Variants in ACBD6 observed in about 807,000 individuals in gnomAD.
ACBD6 encodes acyl-CoA binding domain containing 6.
A neutral mutation model predicts 37.2 loss-of-function variants in ACBD6; 28 were observed. The observed-to-expected ratio is 0.75, with a 90% CI of 0.56 to 1.03. The LOEUF is 1.03. ACBD6 is among the 50% of genes least tolerant of loss of function. The pLI is 0.00. For synonymous variants in ACBD6, 113 were observed against 126.8 expected (o/e 0.89, Z 0.73); for missense variants, 340 against 337.4 (o/e 1.01, Z -0.06).
At chr1:180,366,563 C>T (rs1472159083) in intron 6 of ACBD6, among the ~76,000 whole-genome samples, 1 of 152,136 alleles carries the variant, frequency 6.6e-6, no homozygotes, top group Admixed American at 6.5e-5. Context: ...TAAGATGACA[C>T]TGGGTGTTCT....
At chr1:180,405,366 G>C (rs1348719219) in intron 5 of ACBD6, among the ~76,000 whole-genome samples, 1 of 152,130 alleles carries the variant, frequency 6.6e-6, no homozygotes, top group African/African-American at 2.4e-5. Flanking sequence ...GTATCTGAAA[G>C]AATCAATAGA....
At chr1:180,321,505 C>A (rs1651067449) in intron 6 of ACBD6, among the ~76,000 whole-genome samples, 1 of 152,052 alleles carries the variant, frequency 6.6e-6, no homozygotes, top group African/African-American at 2.4e-5. Context: ...AGATCTTTCA[C>A]TTCTTTGGTT....
At chr1:180,327,073 C>T (rs538345022) in intron 6 of ACBD6, among the ~76,000 whole-genome samples, 129 of 152,256 alleles carry the variant, frequency 8.5e-4, no homozygotes, top group African/African-American at 2.8e-3. Flanking sequence ...CTAAGCCCAC[C>T]GCAGCACTAG....
downstream of ACBD6, chr1:180,287,022 T>C (rs1267036104): frequency 2.0e-5 from 3 of 152,216 alleles, no homozygotes; most frequent in South Asian, 6.2e-4. Context: ...ATGTCAACTA[T>C]CTACTTTCCT....
chr1:180,350,277 T>C (rs1052086757), intron 6 of ACBD6, among the ~76,000 whole-genome samples: 21 of 152,142 alleles, frequency 1.4e-4, no homozygotes, highest in African/African-American at 4.3e-4. Flanking sequence ...CAAGCGATTC[T>C]TCCACCTTGG....
chr1:180,394,635 C>G (rs1425395156), intron 6 of ACBD6, among the ~76,000 whole-genome samples: 1 of 152,074 alleles, frequency 6.6e-6, no homozygotes, highest in African/African-American at 2.4e-5. Flanking sequence ...AATGGAAGAA[C>G]AAGCCCCCAA....
chr1:180,280,098 T>C (rs1649261324), intron 9 of ACBD6, among the ~76,000 whole-genome samples: 1 of 152,234 alleles, frequency 6.6e-6, no homozygotes, highest in African/African-American at 2.4e-5. Flanking sequence ...CAGTGGCTAC[T>C]GTATTTGGAC....
chr1:180,290,006 G>A (rs1649638159), intron 7 of ACBD6, among the ~76,000 whole-genome samples: 1 of 152,116 alleles, frequency 6.6e-6, no homozygotes, highest in Admixed American at 6.5e-5. Context: ...TGCACAGGAG[G>A]TTCAAAGATA....
chr1:180,282,365 T>C (rs1649338739), intron 8 of ACBD6, among the ~76,000 whole-genome samples: 1 of 152,136 alleles, frequency 6.6e-6, no homozygotes, highest in Non-Finnish European at 1.5e-5. Flanking sequence ...AAAAGTGGTC[T>C]TGGCACACAT....
At chr1:180,451,754 G>A (rs1649715601) in intron 3 of ACBD6, among the ~76,000 whole-genome samples, 1 of 152,168 alleles carries the variant, frequency 6.6e-6, no homozygotes, top group Non-Finnish European at 1.5e-5. Context: ...AGGGTATGGA[G>A]TTTCTTTTTG....
intron 3 of ACBD6, among the ~76,000 whole-genome samples, chr1:180,470,977 T>C (rs570695791): frequency 8.5e-5 from 13 of 152,372 alleles, no homozygotes; most frequent in African/African-American, 2.9e-4. Context: ...TTCTGTTTTC[T>C]AAAGTTTCAG....
chr1:180,273,699 G>A (rs1384028615), intron 11 of ACBD6: 1 of 165,386 alleles, frequency 6.0e-6, no homozygotes, highest in African/African-American at 2.4e-5. Flanking sequence ...TAGACCAGAA[G>A]GATTTTGTAC....
intron 3 of ACBD6, among the ~76,000 whole-genome samples, chr1:180,482,497 G>A (rs1447933691): frequency 6.7e-6 from 1 of 149,264 alleles, no homozygotes; most frequent in Admixed American, 6.8e-5. Context: ...AAGTTTTAAA[G>A]ATCTAAGAAG....
rs116215140 is a variant in ACBD6, at chr1:180,469,946, A to G, written c.384+22323T>C. Among the ~76,000 whole-genome samples, 569 of 152,284 alleles carry G rather than the reference A, an allele frequency of 3.7e-3. 3 individuals are homozygous for G. Among genetic ancestry groups the G allele is most frequent in the African/African-American group, 0.013 (545 of 41,554 alleles). On this transcript the variant is annotated intron_variant, in intron 3 of 7. Coordinates refer to ENST00000367595, the MANE Select transcript of ACBD6 (RefSeq NM_032360.4). ...CAATGAATTACAATCTTCCTTCACA[A>G]CTTTAAAGCATAATACACTACTAAT...
chr1:180,348,369 C>CA (rs754260442), intron 6 of ACBD6, among the ~76,000 whole-genome samples: 44 of 152,028 alleles, frequency 2.9e-4, no homozygotes, highest in Admixed American at 5.2e-4. Context: ...ACTTTTGGTC[C>CA]AAAAAATGAA....
At chr1:180,381,731 G>A (rs1342979659) in intron 6 of ACBD6, among the ~76,000 whole-genome samples, 1 of 152,092 alleles carries the variant, frequency 6.6e-6, no homozygotes, top group Non-Finnish European at 1.5e-5. Flanking sequence ...TGTTAAGAAG[G>A]AAGTTTATAG....
intron 1 of ACBD6, among the ~76,000 whole-genome samples, chr1:180,501,146 C>T (rs982684533): frequency 1.3e-5 from 2 of 152,108 alleles, no homozygotes; most frequent in Admixed American, 6.6e-5. Context: ...AGGAAAGGTG[C>T]CTACTCTCTA....
At chr1:180,339,594 A>G (rs552084233) in intron 6 of ACBD6, among the ~76,000 whole-genome samples, 1 of 152,316 alleles carries the variant, frequency 6.6e-6, no homozygotes, top group African/African-American at 2.4e-5. Context: ...TGACGAGTTA[A>G]TGGGTGCAGC....
intron 5 of ACBD6, among the ~76,000 whole-genome samples, chr1:180,409,751 C>T (rs942280630): frequency 1.9e-4 from 29 of 152,152 alleles, no homozygotes; most frequent in African/African-American, 5.5e-4. Flanking sequence ...CACTCAGACA[C>T]AAAAATATTG....
Sources: gnomAD v4.1 joint callset for allele counts (sites outside exome capture counted in the v4.1 genomes callset) on GRCh38, gnomAD v4.1.1 for gene constraint, MANE v1.5 for transcripts, NCBI Gene and HGNC (gene_info 2026-07-23, HGNC 2026-07-21) for gene names.